Variants in USHBP1 observed in about 807,000 individuals in gnomAD.
The protein encoded by USHBP1 is harmonin-binding protein USHBP1.
A neutral mutation model predicts 76.2 loss-of-function variants in USHBP1; 67 were observed. That is an observed-to-expected ratio of 0.88 (90% confidence interval 0.72 to 1.08). USHBP1 has a LOEUF of 1.08. USHBP1 is among the 50% of genes least tolerant of loss of function. The pLI, the probability that USHBP1 is intolerant of heterozygous loss-of-function variation, is 0.00. For missense variants in USHBP1, 931 were observed against 915.0 expected (o/e 1.02, Z -0.23); for synonymous variants, 322 against 362.2 (o/e 0.89, Z 1.26).
chr19:17,264,253 G>T lies in USHBP1; in HGVS notation c.47C>A (p.Ala16Asp), dbSNP rs1052155883. ...GGAGAGGGTGACACTTACGGGTGGA[G>T]CATGCCTCCCTCGCCGGCTTCGGGG... ...TRPRSRRGRH[A>D]PPGELDPVAE... The change falls in exon 2 of 13, where the codon GCT becomes GAT. Residue 16 changes from alanine to aspartate, a missense_variant. Coordinates refer to ENST00000252597, the MANE Select transcript of USHBP1 (RefSeq NM_031941.4). 6.2e-7 allele frequency: 1 copy of T among 1,613,912 alleles called. No homozygotes were observed. The highest frequency in any genetic ancestry group is 1.7e-5 in the Admixed American group (1 of 59,984).
rs148080037 is a variant in USHBP1 at position 17,262,897 on chromosome 19, T to G, written c.297A>C (p.Pro99=). ...TCTCCTTGTACTGTAGGGCTGCTTC[T>G]GGGGCTTGGTGGGCTTCCACTGCAG... The part of the protein sequence containing the change: ...HKPAVEAHQA[P]EAALQYKETV... The change falls in exon 4 of 13, where the codon CCA becomes CCC. Residue 99 remains proline, a synonymous_variant. Transcript: ENST00000252597. 408 of 1,581,660 alleles carry G rather than the reference T, an allele frequency of 2.6e-4. 2 individuals carry two copies. The African/African-American group carries it at 5.0e-3, about 19-fold the overall frequency.
intron 4 of USHBP1, 24 bp downstream of exon 4, chr19:17,262,527 TG>T: frequency 6.3e-7 from 1 of 1,580,718 alleles, no homozygotes; most frequent in African/African-American, 1.3e-5. Context: ...GAGAGCCACA[TG>T]GGACTCAGGA....
chr19:17,262,028 T>C (rs1599478597), intron 4 of USHBP1, among the ~76,000 whole-genome samples: 1 of 131,180 alleles, frequency 7.6e-6, no homozygotes, highest in Non-Finnish European at 1.6e-5. Flanking sequence ...TGAGACAGAG[T>C]CTCACTCTGT....
chr19:17,256,776 G>T, intron 8 of USHBP1, 56 bp from the exon 9 acceptor site: 1 of 1,608,878 alleles, frequency 6.2e-7, no homozygotes, highest in Non-Finnish European at 8.5e-7. Flanking sequence ...GGTGGGTTAA[G>T]TTCATGCCAA....
At chr19:17,261,355 A>G (rs1415284396) in intron 4 of USHBP1, among the ~76,000 whole-genome samples, 11 of 49,244 alleles carry the variant, frequency 2.2e-4, no homozygotes, top group African/African-American at 4.6e-4. Flanking sequence ...TTTTTTTTTG[A>G]GAAAGAGTTT....
chr19:17,264,101 C>G lies in USHBP1; in HGVS notation c.104G>C (p.Ser35Thr). 1 of 1,614,110 alleles carries G rather than the reference C, an allele frequency of 6.2e-7. No homozygotes were observed. Among genetic ancestry groups the G allele is most frequent in the African/African-American group, 1.3e-5 (1 of 75,070 alleles). The change falls in exon 3 of 13, where the codon AGT becomes ACT. Residue 35 changes from serine (S) to threonine (T), a missense_variant. Ser to Thr is a moderately conservative substitution (Grantham distance 58). Coordinates refer to ENST00000252597, the MANE Select transcript of USHBP1 (RefSeq NM_031941.4). ...GGCAAAGCTGGGCTTGGAGCTCCCA[C>G]TGGCTGCCTCGACCTCCTCTGAACT... ...AESSEEVEAA[S>T]GSSKPSFAPP... is the part of the protein sequence containing the mutation.
chr19:17,258,094 C>G, intron 8 of USHBP1, 118 bp downstream of exon 8: 1 of 1,429,842 alleles, frequency 7.0e-7, no homozygotes, highest in Middle Eastern at 2.5e-4. Context: ...AGCTCCATAC[C>G]GACCTTGCTG....
rs764675853 is a variant in USHBP1 at position 17,255,491 on chromosome 19, T to C, written c.1586A>G (p.Glu529Gly). ...ALGPAHVLLL[E>G]QLRWERAELQ... ...CTCTGCCCGTTCCCACCGCAGCTGC[T>C]CCAGCAGGAGCACGTGAGCTGGACC... The change falls in exon 10 of 13, where the codon GAG (glutamate) becomes GGG (glycine). Residue 529 changes from glutamate to glycine, a missense_variant. Physicochemically the swap from Glu to Gly is moderately conservative, Grantham distance 98. Transcript: ENST00000252597. 13 of 1,613,846 alleles carry C rather than the reference T, an allele frequency of 8.1e-6. No homozygotes were observed. Among genetic ancestry groups the C allele is most frequent in the South Asian group, 3.3e-5 (3 of 91,072 alleles).
In USHBP1 at chr19:17,259,360, A is replaced by G; in HGVS notation, c.975T>C (p.Cys325=). Residue 325 remains cysteine, a synonymous_variant, in exon 7 of 13, where the codon TGT becomes TGC. Coordinates refer to ENST00000252597, the MANE Select transcript of USHBP1 (RefSeq NM_031941.4). Reference sequence around the variant, plus strand: ...GGCCTAGCTGCATGCTGAGGCCTTCACAGCGGCCCTTGTATCCCTGTAGCA... The same window carrying G: ...GGCCTAGCTGCATGCTGAGGCCTTCGCAGCGGCCCTTGTATCCCTGTAGCA... The part of the protein sequence containing the change: ...SAVLQGYKGR[C]EGLSMQLGQR... The G allele has an allele frequency of 1.9e-6, 3 of 1,614,160 alleles. No individual in the cohort carries two copies. The highest frequency in any genetic ancestry group is 1.3e-5 in the African/African-American group (1 of 75,052).
Position 17,259,626 on chromosome 19 carries a change from A to G in USHBP1, c.875T>C (p.Ile292Thr), listed in dbSNP as rs2073663663. 2.5e-6 allele frequency: 4 copies of G among 1,610,630 alleles called. No individual in the cohort carries two copies. The highest frequency in any genetic ancestry group is 4.5e-5 in the East Asian group (2 of 44,588). Residue 292 changes from isoleucine to threonine, a missense_variant, in exon 6 of 13, where the codon ATC (isoleucine) becomes ACC (threonine). By Grantham distance (89) the Ile-to-Thr change is moderately conservative. Transcript: ENST00000252597. ...PNQPLSPEMH[I>T]MEAQMEQLRG... ...GAGTTGCTCCATCTGGGCTTCCATG[A>G]TGTGCATCTCAGGACTGAGGGGCTG...
At position 17,258,387 on chromosome 19, in the gene USHBP1, T is replaced by C. The variant is rs747027498; in HGVS notation, c.1047-2A>G. The C allele has an allele frequency of 1.2e-5, 19 of 1,612,356 alleles. No homozygotes were observed. In the Admixed American group the frequency reaches 1.5e-4, roughly 13 times the overall value. On this transcript the variant is annotated splice_acceptor_variant, in intron 7 of 12. Coordinates refer to ENST00000252597, the MANE Select transcript of USHBP1 (RefSeq NM_031941.4). LOFTEE classifies it high-confidence loss of function. Reference sequence around the variant, plus strand: ...CTGTATGCCTCTTCACAGTGTTCACTGTGGGACACTGGTTCTGAGTGCTTC... The same window carrying C: ...CTGTATGCCTCTTCACAGTGTTCACCGTGGGACACTGGTTCTGAGTGCTTC...
At chr19:17,262,432 G>C (rs2073699826) in intron 4 of USHBP1, 120 bp downstream of exon 4, 1 of 1,181,052 alleles carries the variant, frequency 8.5e-7, no homozygotes, top group Non-Finnish European at 1.2e-6. Flanking sequence ...ATAGGTGTCA[G>C]CCACCACACC....
At chr19:17,254,563 G>A (rs1181021160) in intron 10 of USHBP1, among the ~76,000 whole-genome samples, 1 of 151,694 alleles carries the variant, frequency 6.6e-6, no homozygotes, top group African/African-American at 2.4e-5. Flanking sequence ...GGCTGAGGCA[G>A]GAGAATCACT....
chr19:17,259,905 C>G lies in USHBP1; in HGVS notation c.760G>C (p.Glu254Gln). The part of the protein sequence containing the change: ...SSSEADREPW[E>Q]TQDSFSLAHP... The stretch of plus-strand genomic sequence containing the variant: ...GAACTTCTCGCACTCACCTGAGTCT[C>G]CCAGGGTTCCCTGTCTGCCTCAGAG... Residue 254 changes from glutamate (E) to glutamine (Q), a missense_variant, in exon 5 of 13, where the codon GAG becomes CAG. Glu to Gln is a conservative substitution (Grantham distance 29). Coordinates refer to ENST00000252597, the MANE Select transcript of USHBP1 (RefSeq NM_031941.4). The G allele has an allele frequency of 6.2e-7, 1 of 1,613,732 alleles. No individual in the cohort carries two copies. Among genetic ancestry groups the G allele is most frequent in the African/African-American group, 1.3e-5 (1 of 75,042 alleles).
rs374783525 is a variant in USHBP1, at chr19:17,258,386, C to G, written c.1047-1G>C. The G allele has an allele frequency of 1.2e-6, 2 of 1,612,354 alleles. No homozygotes were observed. Among genetic ancestry groups the G allele is most frequent in the African/African-American group, 2.7e-5 (2 of 75,028 alleles). ...CCTGTATGCCTCTTCACAGTGTTCA[C>G]TGTGGGACACTGGTTCTGAGTGCTT... On this transcript the variant is annotated splice_acceptor_variant, in intron 7 of 12. Transcript: ENST00000252597. LOFTEE classifies it high-confidence loss of function.
intron 4 of USHBP1, among the ~76,000 whole-genome samples, chr19:17,260,485 A>G (rs966516572): frequency 2.0e-5 from 3 of 152,090 alleles, no homozygotes; most frequent in African/African-American, 4.8e-5. Context: ...ATCTGCCACC[A>G]TGCCTGACAA....
At chr19:17,253,477 G>T (rs1206421257) in intron 10 of USHBP1, among the ~76,000 whole-genome samples, 6 of 149,356 alleles carry the variant, frequency 4.0e-5, no homozygotes, top group Non-Finnish European at 7.4e-5. Context: ...TTTTAGTAGA[G>T]ACAGGGTTTC....
chr19:17,255,747 TC>T, intron 9 of USHBP1, 141 bp from the exon 10 acceptor site: 1 of 931,840 alleles, frequency 1.1e-6, no homozygotes, highest in Non-Finnish European at 1.6e-6. Context: ...ATGCCTGTAA[TC>T]CCAGCACTTT....
chr19:17,263,899 G>C lies in USHBP1; in HGVS notation c.203+103C>G, dbSNP rs2073720652. 2.9e-6 allele frequency: 4 copies of C among 1,388,468 alleles called. No individual in the cohort carries two copies. The South Asian group carries it at 6.2e-5, about 21-fold the overall frequency. The allele number at this position is 1,388,468 out of a possible 1,614,324, so 86.0% of individuals were successfully genotyped here. ...AGAAAGTCAGGCTGAAGGCAATAGG[G>C]AGCTATGGTAGGTGTGTGAGCAGAG... On this transcript the variant is annotated intron_variant, in intron 3 of 12. Coordinates refer to ENST00000252597, the MANE Select transcript of USHBP1 (RefSeq NM_031941.4).
Sources: allele counts gnomAD v4.1 joint callset (sites outside exome capture counted in the v4.1 genomes callset), GRCh38; gene constraint gnomAD v4.1.1; transcripts MANE v1.5; gene names NCBI Gene and HGNC (gene_info 2026-07-23, HGNC 2026-07-21).